Variants in CATSPERB observed in about 807,000 individuals in gnomAD.
The protein encoded by CATSPERB is catsper channel auxiliary subunit beta.
CATSPERB carries 93 observed loss-of-function variants against 128.3 expected under a neutral mutation model. The observed-to-expected ratio is 0.72, with a 90% confidence interval of 0.61 to 0.86. The LOEUF (loss-of-function observed/expected upper bound fraction) is 0.86. Ranked by LOEUF, CATSPERB falls within the 40% of genes least tolerant of loss-of-function variation. The probability of loss-of-function intolerance (pLI) is 0.00; values close to 1 mark genes in which losing one functional copy is unlikely to be tolerated. For synonymous variants in CATSPERB, 381 were observed against 448.8 expected (o/e 0.85, Z 1.91); for missense variants, 1,153 against 1,329.5 (o/e 0.87, Z 2.06).
chr14:91,665,085 G>A (rs1457394020), intron 14 of CATSPERB, among the ~76,000 whole-genome samples: 1 of 152,080 alleles, frequency 6.6e-6, no homozygotes, highest in Non-Finnish European at 1.5e-5. Context: ...TGGAGACAGG[G>A]TTTTGGCATG....
At chr14:91,697,407 G>A (rs529597625) in intron 7 of CATSPERB, among the ~76,000 whole-genome samples, 46 of 152,104 alleles carry the variant, frequency 3.0e-4, no homozygotes, top group Non-Finnish European at 5.3e-4. Flanking sequence ...ATGTTGGAGT[G>A]TGAGTACTAG....
intron 11 of CATSPERB, among the ~76,000 whole-genome samples, chr14:91,677,683 T>G (rs888929654): frequency 6.6e-5 from 10 of 152,230 alleles, no homozygotes; most frequent in Non-Finnish European, 1.2e-4. Context: ...GAAATGTCAT[T>G]TGACCTAGCA....
At chr14:91,714,297 AAAAG>A (rs1163765519) in intron 5 of CATSPERB, among the ~76,000 whole-genome samples, 1 of 149,136 alleles carries the variant, frequency 6.7e-6, no homozygotes, top group African/African-American at 2.4e-5. Flanking sequence ...AAAAAAGAAA[AAAAG>A]AAAGAAAGAA....
chr14:91,685,148 A>G (rs965824311), intron 10 of CATSPERB, among the ~76,000 whole-genome samples: 1 of 152,116 alleles, frequency 6.6e-6, no homozygotes, highest in Non-Finnish European at 1.5e-5. Flanking sequence ...GCTAGTCTAG[A>G]GCTCCTGAAC....
intron 5 of CATSPERB, among the ~76,000 whole-genome samples, chr14:91,718,943 A>G (rs1353705223): frequency 6.6e-6 from 1 of 150,578 alleles, no homozygotes; most frequent in Non-Finnish European, 1.5e-5. Context: ...CTAGATCAAT[A>G]CTCACAGTTC....
At chr14:91,605,315 C>G in intron 22 of CATSPERB, 1 of 801,532 alleles carries the variant, frequency 1.2e-6, no homozygotes, top group Non-Finnish European at 2.1e-6. Flanking sequence ...TGGAGCCACA[C>G]TCATGTTATT....
intron 15 of CATSPERB, 115 bp from the exon 16 acceptor site, chr14:91,639,365 T>C: frequency 1.2e-6 from 1 of 802,134 alleles, no homozygotes; most frequent in Non-Finnish European, 1.9e-6. Flanking sequence ...AGTAGGGCCC[T>C]GAGACTCCTG....
chr14:91,631,621 C>T (rs1458048481), intron 17 of CATSPERB, among the ~76,000 whole-genome samples: 2 of 151,918 alleles, frequency 1.3e-5, no homozygotes, highest in East Asian at 1.9e-4. Flanking sequence ...GCTGAGATCG[C>T]GCCATTGGAC....
At chr14:91,696,619 T>C (rs1895567497) in intron 7 of CATSPERB, among the ~76,000 whole-genome samples, 1 of 151,978 alleles carries the variant, frequency 6.6e-6, no homozygotes, top group African/African-American at 2.4e-5. Context: ...GAAGTGGAGA[T>C]GGAAGTAAAG....
chr14:91,682,405 G>A (rs192895784), intron 11 of CATSPERB, among the ~76,000 whole-genome samples: 18 of 152,216 alleles, frequency 1.2e-4, no homozygotes, highest in Admixed American at 7.2e-4. Flanking sequence ...CACCACAACC[G>A]CAGCACACCT....
intron 15 of CATSPERB, among the ~76,000 whole-genome samples, chr14:91,650,707 T>TCCATCCATCCATCCAC (rs10628322): frequency 2.0e-5 from 3 of 151,540 alleles, no homozygotes; most frequent in Admixed American, 6.6e-5. Flanking sequence ...CATCCATCCA[T>TCCATCCATCCATCCAC]CCACCCACCC....
At chr14:91,598,424 A>G (rs1307022575) in intron 22 of CATSPERB, among the ~76,000 whole-genome samples, 1 of 152,140 alleles carries the variant, frequency 6.6e-6, no homozygotes, top group African/African-American at 2.4e-5. Flanking sequence ...CTAAATTATG[A>G]CCAGTTTGTC....
chr14:91,612,012 T>TTTTCTTTCTTTC (rs71120177), intron 20 of CATSPERB, among the ~76,000 whole-genome samples: 6,655 of 132,944 alleles, frequency 0.05, 315 homozygotes, highest in African/African-American at 0.095. Flanking sequence ...TTGTTTACTG[T>TTTTCTTTCTTTC]TTTCTTTCTT....
intron 10 of CATSPERB, among the ~76,000 whole-genome samples, chr14:91,686,763 G>T (rs923872373): frequency 1.3e-5 from 2 of 152,102 alleles, no homozygotes; most frequent in Non-Finnish European, 2.9e-5. Context: ...AGGATGTATT[G>T]TATCTATATG....
rs142693261 is a variant in CATSPERB, at chr14:91,674,660, G to A, written c.932-438C>T. The stretch of plus-strand genomic sequence containing the variant: ...ATTTTGTTTCCCTCCCTTCCCACTC[G>A]ACACTCCATGCACTGCTGGCTTATC... On this transcript the variant is annotated intron_variant, in intron 11 of 26. Transcript: ENST00000256343. 2.4e-3 allele frequency among the ~76,000 whole-genome samples: 359 copies of A among 151,858 alleles called. 2 individuals carry two copies. The highest frequency in any genetic ancestry group is 8.4e-3 in the African/African-American group (348 of 41,388).
At position 91,589,715 on chromosome 14, in the gene CATSPERB, T is replaced by C. The variant is rs1278266044; in HGVS notation, c.2821-46A>G. On this transcript the variant is annotated intron_variant, in intron 23 of 26. Transcript: ENST00000256343. Reference sequence around the variant, plus strand: ...ATGAATGTAAACTTGGGAAAGTCAATAGTCACTTCATTTCCTGGTAAAAAA... The same window carrying C: ...ATGAATGTAAACTTGGGAAAGTCAACAGTCACTTCATTTCCTGGTAAAAAA... The C allele has an allele frequency of 3.8e-6, 6 of 1,583,072 alleles. No homozygotes were observed. In the Admixed American group the frequency reaches 6.9e-5, roughly 18 times the overall value.
At chr14:91,660,099 ATCTCTCTC>A in intron 14 of CATSPERB, 118 bp from the exon 15 acceptor site, 1 of 516,944 alleles carries the variant, frequency 1.9e-6, no homozygotes, top group Non-Finnish European at 3.4e-6. Flanking sequence ...GCCTACATTC[ATCTCTCTC>A]TCTCTCTCTC....
At chr14:91,666,912 T>C (rs1210655126) in intron 14 of CATSPERB, among the ~76,000 whole-genome samples, 1 of 152,216 alleles carries the variant, frequency 6.6e-6, no homozygotes, top group African/African-American at 2.4e-5. Flanking sequence ...CGAGATGATC[T>C]CTTAGAAGTC....
At chr14:91,605,282 C>G in intron 22 of CATSPERB, 1 of 1,067,208 alleles carries the variant, frequency 9.4e-7, no homozygotes, top group Non-Finnish European at 1.4e-6. Flanking sequence ...TGCGTTGGAG[C>G]AAGGCAGGCT....
Sources: allele counts gnomAD v4.1 joint callset (sites outside exome capture counted in the v4.1 genomes callset), GRCh38; gene constraint gnomAD v4.1.1; transcripts MANE v1.5; gene names NCBI Gene and HGNC (gene_info 2026-07-23, HGNC 2026-07-21).